VCAM1: variants seen among roughly 807,000 people sequenced by gnomAD.
VCAM1 encodes the protein vascular cell adhesion protein 1.
VCAM1 carries 41 observed loss-of-function variants against 63.8 expected under a neutral mutation model. That is an observed-to-expected ratio of 0.64 (90% CI 0.50 to 0.83). VCAM1 has a LOEUF of 0.83. Among genes scored for constraint, VCAM1 ranks in the 40% least tolerant of loss-of-function variants. The pLI, the probability that VCAM1 is intolerant of heterozygous loss-of-function variation, is 0.00. For synonymous variants in VCAM1, 338 were observed against 320.7 expected, an observed-to-expected ratio of 1.05 and a Z score of -0.58; for missense variants, 798 against 875.5, an observed-to-expected ratio of 0.91 and a Z score of 1.12.
rs762913338 is a variant in VCAM1 at position 100,720,499 on chromosome 1, A to G, written c.88A>G (p.Thr30Ala). 3.6e-5 allele frequency: 57 copies of G among 1,605,530 alleles called. No homozygotes were observed. Among genetic ancestry groups the G allele is most frequent in the Non-Finnish European group, 4.5e-5 (53 of 1,174,316 alleles). The stretch of plus-strand genomic sequence containing the variant: ...AGCTCAAGCTTTTAAAATCGAGACC[A>G]CCCCAGAATCTAGATATCTTGCTCA... ...AASQAFKIET[T>A]PESRYLAQIG... The change falls in exon 2 of 9, where the codon ACC becomes GCC. Residue 30 changes from threonine to alanine, a missense_variant. By Grantham distance (58) the Thr-to-Ala change is moderately conservative (BLOSUM62 0). Transcript: ENST00000294728.
intron 4 of VCAM1, among the ~76,000 whole-genome samples, chr1:100,728,742 A>G (rs1197485737): frequency 6.7e-6 from 1 of 148,772 alleles, no homozygotes; most frequent in Non-Finnish European, 1.5e-5. Flanking sequence ...ATATATAGTA[A>G]TTTAGATAGT....
chr1:100,724,947 A>C (rs527910775), intron 4 of VCAM1, 57 bp downstream of exon 4: 26 of 1,577,714 alleles, frequency 1.6e-5, no homozygotes, highest in Non-Finnish European at 2.2e-5. Context: ...TTTGAGCAAT[A>C]GTCAACACAG....
At chr1:100,732,712 C>T in intron 7 of VCAM1, 28 bp downstream of exon 7, 2 of 1,519,740 alleles carry the variant, frequency 1.3e-6, no homozygotes, top group Non-Finnish European at 8.8e-7. Context: ...AATGAGTTAT[C>T]CTTGCTAGTA....
intron 8 of VCAM1, chr1:100,737,546 A>G (rs1473457548): frequency 3.9e-5 from 6 of 152,224 alleles, no homozygotes; most frequent in African/African-American, 1.2e-4. Flanking sequence ...GAAGAGGAAA[A>G]ATGTATTAAT....
At position 100,731,237 on chromosome 1, in the gene VCAM1, T is replaced by C. The variant is rs759196885; in HGVS notation, c.1244T>C (p.Leu415Pro). 1 of 1,613,192 alleles carries C rather than the reference T, an allele frequency of 6.2e-7. No individual in the cohort carries two copies. The highest frequency in any genetic ancestry group is 2.2e-5 in the East Asian group (1 of 44,858). Reference sequence around the variant, plus strand: ...CCAGAAATCGAGATGAGTGGTGGCCTCGTGAATGGGAGCTCTGTCACTGTA... The same window carrying C: ...CCAGAAATCGAGATGAGTGGTGGCCCCGTGAATGGGAGCTCTGTCACTGTA... The part of the protein sequence containing the change: ...RDPEIEMSGG[L>P]VNGSSVTVSC... The change falls in exon 6 of 9, where the codon CTC becomes CCC. Residue 415 changes from leucine to proline, a missense_variant. Coordinates refer to ENST00000294728, the MANE Select transcript of VCAM1 (RefSeq NM_001078.4). This position sits in a 1 kb window ranked among gnomAD's most constrained non-coding sequence, Gnocchi z 4.2.
intron 3 of VCAM1, 126 bp downstream of exon 3, chr1:100,723,466 A>T (rs1033727099): frequency 1.0e-6 from 1 of 997,534 alleles, no homozygotes; most frequent in East Asian, 2.6e-5. Context: ...ATTTGTATTC[A>T]TTCACAACAT....
chr1:100,733,545 G>T (rs1294523846), intron 7 of VCAM1, among the ~76,000 whole-genome samples: 2 of 152,182 alleles, frequency 1.3e-5, no homozygotes, highest in African/African-American at 2.4e-5. Flanking sequence ...TGGTTGTCAT[G>T]ACCTTGGATG....
chr1:100,731,197 G>A lies in VCAM1; in HGVS notation c.1205-1G>A. ...AAATCGTTTTTGCTTGCGATTTGCA[G>A]CATTCCCTAGAGATCCAGAAATCGA... On this transcript the variant is annotated splice_acceptor_variant, in intron 5 of 8. Transcript: ENST00000294728. LOFTEE classifies it high-confidence loss of function. This position sits in a 1 kb window ranked among gnomAD's most constrained non-coding sequence, Gnocchi z 4.2. The A allele has an allele frequency of 6.3e-7, 1 of 1,578,690 alleles. No individual in the cohort carries two copies. The highest frequency in any genetic ancestry group is 8.6e-7 in the Non-Finnish European group (1 of 1,164,602).
chr1:100,728,646 A>C (rs1660266513), intron 4 of VCAM1, among the ~76,000 whole-genome samples: 1 of 151,838 alleles, frequency 6.6e-6, no homozygotes, highest in Non-Finnish European at 1.5e-5. Flanking sequence ...GAAAGAGTAG[A>C]AGCAGAAAGA....
intron 4 of VCAM1, among the ~76,000 whole-genome samples, chr1:100,727,043 C>CTGTGTGTGTGTGTGTGTG (rs57979614): frequency 7.4e-5 from 11 of 147,702 alleles, no homozygotes; most frequent in African/African-American, 1.5e-4. Flanking sequence ...ATCAGGAATT[C>CTGTGTGTGTGTGTGTGTG]TGTGTGTGTG....
At chr1:100,730,433 C>T (rs1289732597) in intron 5 of VCAM1, among the ~76,000 whole-genome samples, 2 of 152,074 alleles carry the variant, frequency 1.3e-5, no homozygotes, top group East Asian at 1.9e-4. Flanking sequence ...ATTATTCTTG[C>T]CCTTGATAGC....
At chr1:100,737,946 G>T in intron 8 of VCAM1, 177 bp from the exon 9 acceptor site, 1 of 623,134 alleles carries the variant, frequency 1.6e-6, no homozygotes, top group Non-Finnish European at 2.7e-6. Context: ...ACCACCAACT[G>T]ATTATTTGGA....
chr1:100,735,144 A>G (rs1660603867), intron 8 of VCAM1: 1 of 163,814 alleles, frequency 6.1e-6, no homozygotes, highest in East Asian at 1.8e-4. Context: ...CCTTTCTACC[A>G]GAAGGAAACA....
chr1:100,720,989 A>G (rs1659934306), intron 2 of VCAM1, among the ~76,000 whole-genome samples: 1 of 151,596 alleles, frequency 6.6e-6, no homozygotes, highest in Non-Finnish European at 1.5e-5. Flanking sequence ...ATAAGACTCA[A>G]CCTCTCTGGG....
chr1:100,738,087 C>G (rs991239506), intron 8 of VCAM1, 36 bp from the exon 9 acceptor site: 17 of 1,599,784 alleles, frequency 1.1e-5, no homozygotes, highest in Admixed American at 1.7e-5. Flanking sequence ...TCTTTTTGTA[C>G]TAGACATTAA....
chr1:100,725,536 C>T (rs943163707), intron 4 of VCAM1, among the ~76,000 whole-genome samples: 2 of 151,978 alleles, frequency 1.3e-5, no homozygotes, highest in African/African-American at 4.8e-5. Flanking sequence ...AATAATGACA[C>T]CACCTATTGA....
At chr1:100,730,542 C>A (rs1240251645) in intron 5 of VCAM1, among the ~76,000 whole-genome samples, 1 of 152,106 alleles carries the variant, frequency 6.6e-6, no homozygotes, top group Non-Finnish European at 1.5e-5. Context: ...TTAAAACTTG[C>A]TGCCTAAATT....
At position 100,723,330 on chromosome 1, in the gene VCAM1, G is replaced by A. The variant is rs145440082; in HGVS notation, c.651G>A (p.Leu217=). Reference sequence around the variant, plus strand: ...CAGTAAGGCAGGCTGTAAAAGAATTGCAAGTCTACAGTAAGTACTTGTGCG... The same window carrying A: ...CAGTAAGGCAGGCTGTAAAAGAATTACAAGTCTACAGTAAGTACTTGTGCG... ...VPTVRQAVKE[L]QVYISPKNTV... Residue 217 remains leucine, a synonymous_variant, in exon 3 of 9, where the codon TTG becomes TTA. Transcript: ENST00000294728. The A allele has an allele frequency of 2.5e-6, 4 of 1,612,112 alleles. No individual in the cohort carries two copies. In the East Asian group the frequency reaches 6.7e-5, roughly 27 times the overall value.
intron 4 of VCAM1, among the ~76,000 whole-genome samples, chr1:100,725,744 T>A (rs1660137634): frequency 6.6e-6 from 1 of 152,084 alleles, no homozygotes; most frequent in Non-Finnish European, 1.5e-5. Flanking sequence ...TTTTTAATTT[T>A]ATAGCTAATT....
Sources: gnomAD v4.1 joint callset for allele counts (sites outside exome capture counted in the v4.1 genomes callset) on GRCh38, gnomAD v4.1.1 for gene constraint, Gnocchi (gnomAD v3.1) non-coding constraint, MANE v1.5 for transcripts, NCBI Gene and HGNC (gene_info 2026-07-23, HGNC 2026-07-21) for gene names.